WWC2: variants seen among roughly 807,000 people sequenced by gnomAD.
WWC2 encodes protein WWC2.
Under a neutral mutation model 138.5 loss-of-function variants are expected in WWC2, and 101 were observed. That is an observed-to-expected ratio of 0.73 (90% CI 0.62 to 0.86). The LOEUF (loss-of-function observed/expected upper bound fraction) is 0.86, where lower values mean the gene tolerates loss of function less well. Ranked by LOEUF, WWC2 falls within the 40% of genes least tolerant of loss-of-function variation. The probability of loss-of-function intolerance (pLI) is 0.00; values close to 1 mark genes in which losing one functional copy is unlikely to be tolerated. For synonymous variants in WWC2, 558 were observed against 538.4 expected (o/e 1.04, Z -0.50); for missense variants, 1,420 against 1,419.4 (o/e 1.00, Z -0.01).
chr4:183,188,555 A>G (rs899397553), intron 1 of WWC2, among the ~76,000 whole-genome samples: 2 of 150,926 alleles, frequency 1.3e-5, no homozygotes, highest in Admixed American at 1.3e-4. Context: ...ACCTATTCTG[A>G]TATCTAATGT....
chr4:183,143,140 A>G (rs1479587468), intron 1 of WWC2, among the ~76,000 whole-genome samples: 1 of 152,214 alleles, frequency 6.6e-6, no homozygotes, highest in Non-Finnish European at 1.5e-5. Flanking sequence ...ATTATGTTTT[A>G]TTGAAATAAT....
At chr4:183,103,816 G>A (rs1252704969) in intron 1 of WWC2, among the ~76,000 whole-genome samples, 1 of 139,254 alleles carries the variant, frequency 7.2e-6, no homozygotes, top group Non-Finnish European at 1.5e-5. Context: ...TTGTATTTTT[G>A]GTAGAGATGG....
At chr4:183,106,709 T>G (rs981660355) in intron 1 of WWC2, among the ~76,000 whole-genome samples, 1 of 152,206 alleles carries the variant, frequency 6.6e-6, no homozygotes, top group Non-Finnish European at 1.5e-5. Context: ...GCTTCTTTTT[T>G]TCTTAGTGTA....
chr4:183,240,162 T>C, intron 4 of WWC2, 21 bp from the exon 5 acceptor site: 1 of 1,515,066 alleles, frequency 6.6e-7, no homozygotes, highest in Non-Finnish European at 8.9e-7. Context: ...CATTAATGTT[T>C]ATGTTGATTT....
intron 4 of WWC2, among the ~76,000 whole-genome samples, chr4:183,220,547 A>T (rs950564131): frequency 4.6e-5 from 7 of 151,932 alleles, no homozygotes; most frequent in Non-Finnish European, 7.4e-5. Context: ...AAAAAAAAAA[A>T]AAAATGGCCG....
intron 4 of WWC2, among the ~76,000 whole-genome samples, chr4:183,226,090 CT>C (rs1332299202): frequency 1.6e-4 from 22 of 138,282 alleles, no homozygotes; most frequent in African/African-American, 5.5e-4. Context: ...CTTTTCTTTT[CT>C]TTTCTTTTTT....
At chr4:183,160,177 T>C (rs964895358) in intron 1 of WWC2, among the ~76,000 whole-genome samples, 1 of 152,222 alleles carries the variant, frequency 6.6e-6, no homozygotes, top group Non-Finnish European at 1.5e-5. Flanking sequence ...TCTCATTTCT[T>C]TTTCAACTCT....
intron 2 of WWC2, among the ~76,000 whole-genome samples, chr4:183,194,405 TA>T (rs913202301): frequency 1.4e-4 from 21 of 152,306 alleles, no homozygotes; most frequent in Middle Eastern, 6.8e-3. Flanking sequence ...TCTACTCCTT[TA>T]AAAATGTATT....
chr4:183,113,526 G>A (rs1732315379), intron 1 of WWC2, among the ~76,000 whole-genome samples: 1 of 144,030 alleles, frequency 6.9e-6, no homozygotes, highest in African/African-American at 2.7e-5. Flanking sequence ...GCGCGCGCGT[G>A]CGCGCGCACA....
Position 183,268,077 on chromosome 4 carries a change from A to G in WWC2, c.2208-894A>G, listed in dbSNP as rs543402208. Among the ~76,000 whole-genome samples, 6 of 152,328 alleles carry G rather than the reference A, an allele frequency of 3.9e-5. No homozygotes were observed. In the East Asian group the frequency reaches 9.7e-4, roughly 25 times the overall value. On this transcript the variant is annotated intron_variant, in intron 14 of 22. Coordinates refer to ENST00000403733, the MANE Select transcript of WWC2 (RefSeq NM_024949.6). ...ACTAGGTTTTCATTGCTGAATCTCC[A>G]TAATTAATATTGATATGAAATACAA...
At chr4:183,264,858 C>A in intron 11 of WWC2, 120 bp from the exon 12 acceptor site, 1 of 1,092,418 alleles carries the variant, frequency 9.2e-7, no homozygotes, top group Non-Finnish European at 1.2e-6. Context: ...ATATTAACAT[C>A]CTTGACTCCC....
intron 4 of WWC2, among the ~76,000 whole-genome samples, chr4:183,234,088 C>A (rs548574564): frequency 6.6e-6 from 1 of 152,208 alleles, no homozygotes; most frequent in Admixed American, 6.5e-5. Flanking sequence ...TTTACTTTTC[C>A]TTCATTGTCA....
chr4:183,238,201 A>G (rs1013928226), intron 4 of WWC2, among the ~76,000 whole-genome samples: 1 of 152,144 alleles, frequency 6.6e-6, no homozygotes, highest in African/African-American at 2.4e-5. Context: ...TTCTCCAGGA[A>G]AGCACCTTCG....
At chr4:183,106,150 G>T (rs1700938689) in intron 1 of WWC2, among the ~76,000 whole-genome samples, 1 of 151,506 alleles carries the variant, frequency 6.6e-6, no homozygotes, top group South Asian at 2.1e-4. Context: ...CGCCCAGCTA[G>T]TTTTTGTATT....
chr4:183,208,575 A>G (rs773158363), intron 3 of WWC2, among the ~76,000 whole-genome samples: 2 of 152,154 alleles, frequency 1.3e-5, no homozygotes, highest in African/African-American at 4.8e-5. Flanking sequence ...CAGATTGACT[A>G]TTTGGAGCTG....
At chr4:183,102,074 A>G (rs1309542310) in intron 1 of WWC2, among the ~76,000 whole-genome samples, 2 of 152,200 alleles carry the variant, frequency 1.3e-5, no homozygotes, top group African/African-American at 2.4e-5. Flanking sequence ...CATTATTCTA[A>G]AATGCTTTTA....
intron 1 of WWC2, among the ~76,000 whole-genome samples, chr4:183,127,958 A>G (rs1013798031): frequency 1.3e-5 from 2 of 151,994 alleles, no homozygotes; most frequent in Admixed American, 1.3e-4. Flanking sequence ...AATGTACATT[A>G]TAATTATACT....
intron 21 of WWC2, among the ~76,000 whole-genome samples, chr4:183,306,414 TA>T (rs1217200023): frequency 6.6e-6 from 1 of 152,140 alleles, no homozygotes; most frequent in Non-Finnish European, 1.5e-5. Flanking sequence ...ACATATGGAC[TA>T]AAAGTAGACA....
intron 6 of WWC2, 78 bp from the exon 7 acceptor site, chr4:183,248,636 C>T (rs1265927564): frequency 2.1e-6 from 3 of 1,408,398 alleles, no homozygotes; most frequent in Non-Finnish European, 2.8e-6. Flanking sequence ...TAGCTCTTTC[C>T]TTTTAATTTC....
Sources: gnomAD v4.1 joint callset for allele counts (sites outside exome capture counted in the v4.1 genomes callset) on GRCh38, gnomAD v4.1.1 for gene constraint, MANE v1.5 for transcripts, NCBI Gene and HGNC (gene_info 2026-07-23, HGNC 2026-07-21) for gene names.